Variants in ANKRD17 observed in about 807,000 individuals in gnomAD.
ANKRD17 encodes ankyrin repeat domain 17, also known as ankyrin repeat domain-containing protein 17.
ANKRD17 carries 19 observed loss-of-function variants against 229.7 expected under a neutral mutation model. The observed-to-expected ratio is 0.08, with a 90% confidence interval of 0.06 to 0.12. The LOEUF (loss-of-function observed/expected upper bound fraction) is 0.12, where lower values mean the gene tolerates loss of function less well. Among genes scored for constraint, ANKRD17 ranks in the 10% least tolerant of loss-of-function variants. The probability of loss-of-function intolerance (pLI) is 1.00; values close to 1 mark genes in which losing one functional copy is unlikely to be tolerated. For synonymous variants in ANKRD17, 1,112 were observed against 1,146.1 expected, an observed-to-expected ratio of 0.97 and a Z score of 0.60; for missense variants, 2,176 against 3,176.8, an observed-to-expected ratio of 0.68 and a Z score of 7.57.
At chr4:73,086,926 AT>A (rs1722235794) in intron 29 of ANKRD17, among the ~76,000 whole-genome samples, 2 of 60,952 alleles carry the variant, frequency 3.3e-5, no homozygotes, top group Non-Finnish European at 6.0e-5. Context: ...AAAAATATAT[AT>A]ATATATATAT....
chr4:73,221,183 G>A (rs957682930), intron 1 of ANKRD17, among the ~76,000 whole-genome samples: 1 of 152,062 alleles, frequency 6.6e-6, no homozygotes, highest in Non-Finnish European at 1.5e-5. Flanking sequence ...TATTTAGTAT[G>A]ATAGGATGCA....
chr4:73,188,017 A>G (rs1736526064), intron 1 of ANKRD17, among the ~76,000 whole-genome samples: 2 of 152,152 alleles, frequency 1.3e-5, no homozygotes, highest in South Asian at 4.1e-4. Flanking sequence ...GTATATCACA[A>G]ACAGAGAAAA....
chr4:73,109,880 A>G (rs1316720641), intron 24 of ANKRD17, among the ~76,000 whole-genome samples: 1 of 152,024 alleles, frequency 6.6e-6, no homozygotes, highest in Admixed American at 6.6e-5. Flanking sequence ...AGGATTATTA[A>G]AAGTAGAATT....
intron 1 of ANKRD17, among the ~76,000 whole-genome samples, chr4:73,182,045 C>T (rs1327581538): frequency 1.2e-5 from 1 of 82,374 alleles, no homozygotes; most frequent in South Asian, 4.5e-4. Flanking sequence ...AAGACTCCGT[C>T]CCCACCAAAA....
chr4:73,222,694 AGGCTTTTTAT>A (rs1742016601), intron 1 of ANKRD17, among the ~76,000 whole-genome samples: 2 of 152,318 alleles, frequency 1.3e-5, no homozygotes, highest in African/African-American at 4.8e-5. Context: ...CACCAGCACA[AGGCTTTTTAT>A]TAAGCCTGAG....
chr4:73,078,940 T>TA, intron 30 of ANKRD17, 50 bp from the exon 31 acceptor site: 1 of 1,526,592 alleles, frequency 6.6e-7, no homozygotes, highest in South Asian at 1.3e-5. Context: ...ATAGAACATG[T>TA]AATTTTATAA....
chr4:73,108,164 C>T (rs1018355577), intron 24 of ANKRD17, among the ~76,000 whole-genome samples: 2 of 151,908 alleles, frequency 1.3e-5, no homozygotes, highest in South Asian at 2.1e-4. Flanking sequence ...TTTTTCAACG[C>T]GATGGAGTAT....
At chr4:73,137,318 G>C (rs974016978) in intron 15 of ANKRD17, among the ~76,000 whole-genome samples, 2 of 152,126 alleles carry the variant, frequency 1.3e-5, no homozygotes, top group African/African-American at 2.4e-5. Context: ...TGTTGAGACA[G>C]GTTAAACAGG....
intron 1 of ANKRD17, among the ~76,000 whole-genome samples, chr4:73,194,939 T>C (rs1396268298): frequency 6.6e-6 from 1 of 152,156 alleles, no homozygotes; most frequent in African/African-American, 2.4e-5. Context: ...TTGGTGCAAT[T>C]AGAATTGGTG....
rs972525393 is a variant in ANKRD17 at position 73,171,444 on chromosome 4, A to G, written c.547+5936T>C. On this transcript the variant is annotated intron_variant, in intron 2 of 33. Transcript: ENST00000358602. ...TACTTAGAAAGCCTTCCAAAGAAGG[A>G]CAGGTACAAACAAGTGCAGACTGTG... Among the ~76,000 whole-genome samples, 3 of 152,366 alleles carry G rather than the reference A, an allele frequency of 2.0e-5. 1 individual carries two copies. Among genetic ancestry groups the G allele is most frequent in the Non-Finnish European group, 4.4e-5 (3 of 68,044 alleles).
chr4:73,228,477 T>C (rs1335062396), intron 1 of ANKRD17, among the ~76,000 whole-genome samples: 2 of 152,192 alleles, frequency 1.3e-5, no homozygotes, highest in Admixed American at 1.3e-4. Flanking sequence ...ATGGAAAGCA[T>C]TCACGGTTTA....
intron 27 of ANKRD17, among the ~76,000 whole-genome samples, chr4:73,094,717 T>A (rs1723117552): frequency 8.6e-6 from 1 of 116,566 alleles, no homozygotes; most frequent in Non-Finnish European, 1.8e-5. Context: ...TATACATGTA[T>A]ATATGTGTAT....
chr4:73,231,500 G>T (rs1337573813), intron 1 of ANKRD17, among the ~76,000 whole-genome samples: 1 of 152,118 alleles, frequency 6.6e-6, no homozygotes, highest in Non-Finnish European at 1.5e-5. Context: ...TGGTTTGCCT[G>T]CAAGCAATTA....
chr4:73,221,278 G>A (rs1741813312), intron 1 of ANKRD17, among the ~76,000 whole-genome samples: 1 of 151,890 alleles, frequency 6.6e-6, no homozygotes. Context: ...TAGCAACATT[G>A]AATAAATAAG....
chr4:73,226,830 T>C (rs1000464640), intron 1 of ANKRD17, among the ~76,000 whole-genome samples: 9 of 152,218 alleles, frequency 5.9e-5, no homozygotes, highest in African/African-American at 2.2e-4. Context: ...TTCTCCTGCC[T>C]CAGCCTCCCC....
chr4:73,223,697 T>C, intron 1 of ANKRD17, among the ~76,000 whole-genome samples: 1 of 152,212 alleles, frequency 6.6e-6, no homozygotes, highest in Non-Finnish European at 1.5e-5. Flanking sequence ...CATTTTCTAG[T>C]AGTGCCTTTA....
In ANKRD17 at chr4:73,091,797, T is replaced by A. The variant is rs1411640822; in HGVS notation, c.5831A>T (p.His1944Leu). The A allele has an allele frequency of 6.2e-7, 1 of 1,614,070 alleles. No homozygotes were observed. Among genetic ancestry groups the A allele is most frequent in the Non-Finnish European group, 8.5e-7 (1 of 1,180,032 alleles). ...PARATNSPKP[H>L]MVPRHSNQNS... ...CTGATTGCTATGGCGAGGCACCATG[T>A]GAGGCTTAGGCGAGTTAGTAGCTCT... The change falls in exon 29 of 34, where the codon CAC (histidine) becomes CTC (leucine). Residue 1944 changes from histidine (H) to leucine (L), a missense_variant. Physicochemically the swap from His to Leu is moderately conservative, Grantham distance 99. Around this residue, in one of 18 missense-constraint regions of ANKRD17, gnomAD observed 142 missense variants for 200.4 expected, o/e 0.71. Coordinates refer to ENST00000358602, the MANE Select transcript of ANKRD17 (RefSeq NM_032217.5).
At chr4:73,218,806 G>A (rs185528000) in intron 1 of ANKRD17, among the ~76,000 whole-genome samples, 2 of 152,242 alleles carry the variant, frequency 1.3e-5, no homozygotes, top group East Asian at 3.9e-4. Context: ...GCTCACGCCT[G>A]TAATCCCACA....
intron 29 of ANKRD17, among the ~76,000 whole-genome samples, chr4:73,088,347 T>A (rs1056686986): frequency 2.0e-5 from 3 of 152,162 alleles, no homozygotes; most frequent in Admixed American, 2.0e-4. Context: ...ATGACCTGAA[T>A]TAGGTAATTG....
Sources: gnomAD v4.1 joint callset for allele counts (sites outside exome capture counted in the v4.1 genomes callset) on GRCh38, gnomAD v4.1.1 for gene constraint, gnomAD v4.1.1 regional missense constraint, MANE v1.5 for transcripts, NCBI Gene and HGNC (gene_info 2026-07-23, HGNC 2026-07-21) for gene names.